Variants in COL22A1 observed in about 807,000 individuals in gnomAD.
The protein encoded by COL22A1 is collagen alpha-1(XXII) chain.
COL22A1 carries 221 observed loss-of-function variants against 248.9 expected under a neutral mutation model. The observed-to-expected ratio is 0.89, with a 90% CI of 0.80 to 0.99. The LOEUF is 0.99. Ranked by LOEUF, COL22A1 falls within the 50% of genes least tolerant of loss-of-function variation. The pLI is 0.00. For synonymous variants in COL22A1, 891 were observed against 793.4 expected (o/e 1.12, Z -2.07); for missense variants, 2,240 against 2,179.0 (o/e 1.03, Z -0.56).
At chr8:138,657,203 G>A (rs1465388874) in intron 44 of COL22A1, among the ~76,000 whole-genome samples, 1 of 152,194 alleles carries the variant, frequency 6.6e-6, no homozygotes, top group Non-Finnish European at 1.5e-5. Context: ...TAAAGCCAAG[G>A]CCAACACCTC....
chr8:138,834,884 C>A (rs1191638677), intron 4 of COL22A1, among the ~76,000 whole-genome samples: 1 of 152,142 alleles, frequency 6.6e-6, no homozygotes, highest in Non-Finnish European at 1.5e-5. Context: ...AGGGTTGGAG[C>A]AGGCACCAAC....
intron 47 of COL22A1, among the ~76,000 whole-genome samples, chr8:138,645,457 G>A (rs533857013): frequency 1.3e-5 from 2 of 152,162 alleles, no homozygotes; most frequent in East Asian, 1.9e-4. Flanking sequence ...TAAATTACTC[G>A]ATGTTGCATC....
At position 138,821,244 on chromosome 8, in the gene COL22A1, G is replaced by A. The variant is rs1819099381; in HGVS notation, c.1137C>T (p.His379=). 2 of 1,614,220 alleles carry A rather than the reference G, an allele frequency of 1.2e-6. No individual in the cohort carries two copies. Among genetic ancestry groups the A allele is most frequent in the Non-Finnish European group, 1.7e-6 (2 of 1,180,036 alleles). The part of the protein sequence containing the change: ...LSIQAQNVSL[H]IDCALVQTLP... ...GTGTCTGCACCAGCGCACAGTCAAT[G>A]TGCAGGGAGACGTTCTGGGCCTGGA... Residue 379 remains histidine (H), a synonymous_variant, in exon 7 of 65, where the codon CAC becomes CAT. Transcript: ENST00000303045.
At chr8:138,779,689 C>T in intron 13 of COL22A1, 127 bp from the exon 14 acceptor site, 1 of 651,660 alleles carries the variant, frequency 1.5e-6, no homozygotes, top group Non-Finnish European at 2.8e-6. Flanking sequence ...ACAAGGTAGC[C>T]ACCAGTGAGC....
At chr8:138,789,057 C>A (rs891802473) in intron 12 of COL22A1, among the ~76,000 whole-genome samples, 2 of 152,170 alleles carry the variant, frequency 1.3e-5, no homozygotes, top group Admixed American at 1.3e-4. Flanking sequence ...TTCCCATAAG[C>A]GCTCTCACCC....
At chr8:138,680,204 G>A (rs1825854380) in intron 39 of COL22A1, among the ~76,000 whole-genome samples, 2 of 152,226 alleles carry the variant, frequency 1.3e-5, no homozygotes, top group African/African-American at 2.4e-5. Context: ...AGTGTCCAAG[G>A]AAGAGATGTG....
intron 3 of COL22A1, among the ~76,000 whole-genome samples, chr8:138,855,426 A>G (rs1563848203): frequency 6.6e-6 from 1 of 152,190 alleles, no homozygotes; most frequent in Non-Finnish European, 1.5e-5. Flanking sequence ...GGGGCCCTGC[A>G]TGCTCCTTGC....
intron 23 of COL22A1, among the ~76,000 whole-genome samples, chr8:138,725,767 AC>A (rs1830258047): frequency 2.9e-5 from 1 of 34,246 alleles, no homozygotes; most frequent in Non-Finnish European, 1.1e-4. Context: ...ACACACACAC[AC>A]ACACACACAC....
chr8:138,903,296 C>T (rs1028370205), intron 1 of COL22A1, among the ~76,000 whole-genome samples: 1 of 152,142 alleles, frequency 6.6e-6, no homozygotes, highest in Non-Finnish European at 1.5e-5. Context: ...ACATTCTGGG[C>T]CACCCAACCC....
rs765832994 is a variant in COL22A1 at position 138,685,345 on chromosome 8, A to G, written c.2863-33T>C. 3.2e-6 allele frequency: 5 copies of G among 1,573,062 alleles called. No homozygotes were observed. The South Asian group carries it at 3.3e-5, about 11-fold the overall frequency. Reference sequence around the variant, plus strand: ...GAAAAGTAGACATTTCCCAGGGTCAATTACACTCAGCACGAAGCTTTTCTA... The same window carrying G: ...GAAAAGTAGACATTTCCCAGGGTCAGTTACACTCAGCACGAAGCTTTTCTA... On this transcript the variant is annotated intron_variant, in intron 37 of 64. Coordinates refer to ENST00000303045, the MANE Select transcript of COL22A1 (RefSeq NM_152888.3).
At chr8:138,885,442 A>G (rs1234628960) in intron 1 of COL22A1, among the ~76,000 whole-genome samples, 2 of 152,108 alleles carry the variant, frequency 1.3e-5, no homozygotes, top group African/African-American at 4.8e-5. Context: ...CCCCCATTCT[A>G]CATCAAGTCT....
At chr8:138,755,585 A>G (rs772370683) in intron 19 of COL22A1, 74 bp from the exon 20 acceptor site, 143 of 1,512,774 alleles carry the variant, frequency 9.5e-5, no homozygotes, top group Non-Finnish European at 1.3e-4. Context: ...CAGCTGCACT[A>G]AGGCCATTCA....
chr8:138,887,006 C>T (rs1223446997), intron 1 of COL22A1, among the ~76,000 whole-genome samples: 1 of 152,170 alleles, frequency 6.6e-6, no homozygotes, highest in Non-Finnish European at 1.5e-5. Flanking sequence ...ATAGCCACAT[C>T]ATGGGGAATG....
rs754221276 is a variant in COL22A1, at chr8:138,724,647, A to T, written c.2215T>A (p.Phe739Ile). The change falls in exon 25 of 65, where the codon TTC (phenylalanine) becomes ATC (isoleucine). Residue 739 changes from phenylalanine to isoleucine, a missense_variant. Phe to Ile is a conservative substitution (Grantham distance 21). Transcript: ENST00000303045. Reference sequence around the variant, plus strand: ...CCAGGAGGTCCAGGCTTTCCCGGGAAGCCGATCTCTCCAGGCAAACCCTGA... The same window carrying T: ...CCAGGAGGTCCAGGCTTTCCCGGGATGCCGATCTCTCCAGGCAAACCCTGA... ...GSPGLPGEIG[F>I]PGKPGPPGPT... The T allele has an allele frequency of 3.4e-5, 55 of 1,614,058 alleles. No homozygotes were observed. The highest frequency in any genetic ancestry group is 8.5e-7 in the Non-Finnish European group (1 of 1,180,014).
At chr8:138,841,229 T>G (rs980113667) in intron 4 of COL22A1, among the ~76,000 whole-genome samples, 1 of 152,192 alleles carries the variant, frequency 6.6e-6, no homozygotes, top group Non-Finnish European at 1.5e-5. Context: ...TCCTTCTAAG[T>G]GTCAGGTACG....
intron 16 of COL22A1, among the ~76,000 whole-genome samples, chr8:138,768,303 C>T (rs544978535): frequency 5.2e-4 from 79 of 152,296 alleles, no homozygotes; most frequent in Middle Eastern, 3.4e-3. Flanking sequence ...AGCAGTTGCA[C>T]GGCACTGTTG....
At chr8:138,716,776 C>CAATG (rs757475373) in intron 28 of COL22A1, 49 bp downstream of exon 28, 33 of 1,387,668 alleles carry the variant, frequency 2.4e-5, no homozygotes, top group Admixed American at 6.8e-5. Context: ...TAGCGTATAA[C>CAATG]AATGAATGAA....
intron 18 of COL22A1, 59 bp from the exon 19 acceptor site, chr8:138,755,888 C>A: frequency 6.9e-7 from 1 of 1,457,558 alleles, no homozygotes; most frequent in Non-Finnish European, 9.6e-7. Flanking sequence ...TGTGGCAGTC[C>A]CATCCCTCTG....
At chr8:138,607,839 G>T (rs1389157223) in intron 57 of COL22A1, 97 bp downstream of exon 57, 50 of 1,194,140 alleles carry the variant, frequency 4.2e-5, no homozygotes, top group Non-Finnish European at 5.8e-5. Flanking sequence ...CCCCACCGAT[G>T]CTTCTAGGGA....
Sources: gnomAD v4.1 joint callset for allele counts (sites outside exome capture counted in the v4.1 genomes callset) on GRCh38, gnomAD v4.1.1 for gene constraint, MANE v1.5 for transcripts, NCBI Gene and HGNC (gene_info 2026-07-23, HGNC 2026-07-21) for gene names.